The following MCF2L variants were observed in gnomAD, a reference collection of about 807,000 sequenced individuals.
MCF2L encodes guanine nucleotide exchange factor DBS.
Under a neutral mutation model 153.4 loss-of-function variants are expected in MCF2L, and 97 were observed. The observed-to-expected ratio is 0.63, with a 90% CI of 0.54 to 0.75. MCF2L has a LOEUF of 0.75. MCF2L is among the 30% of genes least tolerant of loss of function. The pLI is 0.00. For missense variants in MCF2L, 1,347 were observed against 1,495.2 expected (o/e 0.90, Z 1.64); for synonymous variants, 659 against 632.2 (o/e 1.04, Z -0.64).
At chr13:112,987,572 G>A (rs1003429794) in intron 1 of MCF2L, among the ~76,000 whole-genome samples, 6 of 152,216 alleles carry the variant, frequency 3.9e-5, no homozygotes, top group African/African-American at 9.6e-5. Context: ...GGAGGAGGCC[G>A]GGTGTGAGGT....
chr13:112,971,373 G>A (rs762725298), intron 1 of MCF2L, among the ~76,000 whole-genome samples: 8 of 152,200 alleles, frequency 5.3e-5, no homozygotes, highest in East Asian at 3.9e-4. Context: ...GCTAGGATCC[G>A]TGCCAGGTAA....
chr13:113,034,403 C>T (rs1485932087), intron 3 of MCF2L, among the ~76,000 whole-genome samples: 1 of 152,220 alleles, frequency 6.6e-6, no homozygotes, highest in Admixed American at 6.5e-5. Flanking sequence ...TCCCAAAGTG[C>T]TGGGATTACT....
intron 2 of MCF2L, among the ~76,000 whole-genome samples, chr13:113,023,426 G>A (rs1459735916): frequency 6.6e-6 from 1 of 152,226 alleles, no homozygotes; most frequent in Admixed American, 6.5e-5. Context: ...CCTGCCTGGC[G>A]TGGCTGGGCT....
rs1298122293 is a variant in MCF2L at position 113,090,949 on chromosome 13, G to A, written c.2953+1221G>A. The A allele has an allele frequency of 2.2e-5, 26 of 1,204,262 alleles. 1 individual carries two copies. Among genetic ancestry groups the A allele is most frequent in the Middle Eastern group, 3.6e-4 (1 of 2,802 alleles). The allele number at this position is 1,204,262 out of a possible 1,614,324, so 74.6% of individuals were successfully genotyped here. ...CCTCCCGGCCCCTCCTTCACTGCGCGGCCCCTCGGCTCCCTGTGTTTTGCT... is the reference window on the plus strand; with the variant it reads ...CCTCCCGGCCCCTCCTTCACTGCGCAGCCCCTCGGCTCCCTGTGTTTTGCT... On this transcript the variant is annotated intron_variant, in intron 26 of 29. Coordinates refer to ENST00000535094, the MANE Select transcript of MCF2L (RefSeq NM_001112732.3).
Position 113,064,216 on chromosome 13 carries a change from G to A in MCF2L, c.490-88G>A. On this transcript the variant is annotated intron_variant, in intron 5 of 29. Coordinates refer to ENST00000535094, the MANE Select transcript of MCF2L (RefSeq NM_001112732.3). This position sits in a 1 kb window ranked among gnomAD's most constrained non-coding sequence, Gnocchi z 6.0. ...CATCCAGGCAGACGTGGTCCTCTCT[G>A]TGCTGCTGGGTGTTCTGCTGATGGG... 1.0e-6 allele frequency: 1 copy of A among 972,084 alleles called. No homozygotes were observed. The highest frequency in any genetic ancestry group is 1.6e-6 in the Non-Finnish European group (1 of 606,256). 60.2% of individuals were successfully genotyped at this position (972,084 alleles called of 1,614,324 possible).
chr13:112,991,035 C>T (rs1389529785), intron 1 of MCF2L, among the ~76,000 whole-genome samples: 3 of 152,234 alleles, frequency 2.0e-5, no homozygotes, highest in South Asian at 2.1e-4. Flanking sequence ...TCGGCCTCCG[C>T]CACCTGGCTC....
In MCF2L at chr13:113,094,581, G is replaced by A. The variant is rs771081263; in HGVS notation, c.3021G>A (p.Glu1007=). The part of the protein sequence containing the change: ...EDDGGWSSAE[E]QINSSDAEED... The stretch of plus-strand genomic sequence containing the variant: ...ACGGGGGCTGGTCAAGTGCAGAGGA[G>A]CAGATTAACTCGTCCGACGCAGAGG... The change falls in exon 27 of 30, where the codon GAG becomes GAA. Residue 1007 remains glutamate (E), a synonymous_variant. Coordinates refer to ENST00000535094, the MANE Select transcript of MCF2L (RefSeq NM_001112732.3). 2.5e-6 allele frequency: 4 copies of A among 1,612,648 alleles called. No homozygotes were observed. Among genetic ancestry groups the A allele is most frequent in the South Asian group, 2.2e-5 (2 of 91,060 alleles).
At chr13:113,039,988 A>G (rs1265306340) in intron 3 of MCF2L, among the ~76,000 whole-genome samples, 2 of 152,206 alleles carry the variant, frequency 1.3e-5, no homozygotes, top group East Asian at 1.9e-4. Context: ...AACAACCCAA[A>G]TGTCCATTAA....
intron 3 of MCF2L, chr13:113,026,942 T>A: frequency 1.3e-6 from 1 of 777,078 alleles, no homozygotes; most frequent in Non-Finnish European, 2.4e-6. Flanking sequence ...GGGTCTCTCA[T>A]CTGATGTGCT....
intron 26 of MCF2L, 138 bp downstream of exon 26, chr13:113,089,866 T>G: frequency 1.2e-6 from 2 of 1,612,854 alleles, no homozygotes; most frequent in Non-Finnish European, 1.7e-6. Flanking sequence ...CTTGCTCCCC[T>G]CTTAACAGAG....
At chr13:112,992,238 A>G (rs952105098) in intron 1 of MCF2L, among the ~76,000 whole-genome samples, 2 of 152,258 alleles carry the variant, frequency 1.3e-5, no homozygotes, top group Admixed American at 1.3e-4. Flanking sequence ...CACATAGTCC[A>G]AACTCTGAAA....
chr13:112,997,032 G>A (rs1412788470), intron 1 of MCF2L, among the ~76,000 whole-genome samples: 2 of 152,330 alleles, frequency 1.3e-5, no homozygotes, highest in East Asian at 1.9e-4. Context: ...TGCCAGCCCC[G>A]GGCCGCCCTC....
intron 1 of MCF2L, among the ~76,000 whole-genome samples, chr13:113,007,615 C>T (rs1353152736): frequency 2.6e-5 from 4 of 152,244 alleles, no homozygotes; most frequent in Non-Finnish European, 5.9e-5. Flanking sequence ...CAGTGAAACA[C>T]GCAGTGCGGG....
chr13:113,070,331 A>G lies in MCF2L; in HGVS notation c.996+158A>G. 2.0e-6 allele frequency: 1 copy of G among 498,842 alleles called. No individual in the cohort carries two copies. The allele number at this position is 498,842 out of a possible 1,614,324, so 30.9% of individuals were successfully genotyped here. On this transcript the variant is annotated intron_variant, in intron 9 of 29. Coordinates refer to ENST00000535094, the MANE Select transcript of MCF2L (RefSeq NM_001112732.3). This position sits in a 1 kb window ranked among gnomAD's most constrained non-coding sequence, Gnocchi z 5.6. ...CTTGCCAGGTGGAGCCTGTGAGATT[A>G]AGTCAGGCTGAGCCTTGAAATGCAC... is the stretch of plus-strand genomic sequence containing the variant.
At chr13:113,089,846 T>C in intron 26 of MCF2L, 118 bp downstream of exon 26, 2 of 1,612,446 alleles carry the variant, frequency 1.2e-6, no homozygotes, top group Non-Finnish European at 1.7e-6. Context: ...TTGCAGAGCA[T>C]TCAGGGCCCC....
At chr13:112,966,814 G>A (rs1207925041), upstream of MCF2L, among the ~76,000 whole-genome samples, 1 of 152,226 alleles carries the variant, frequency 6.6e-6, no homozygotes, top group East Asian at 1.9e-4. This position sits in a 1 kb window ranked among gnomAD's most constrained non-coding sequence, Gnocchi z 4.1. Context: ...TTTCAGCAGT[G>A]TTTCTCAAAG....
rs1255743722 is a variant in MCF2L at position 112,906,476 on chromosome 13, A to C, written c.169+4105A>C. Among the ~76,000 whole-genome samples, 4 of 152,324 alleles carry C rather than the reference A, an allele frequency of 2.6e-5. No homozygotes were observed. The East Asian group carries it at 7.7e-4, about 29-fold the overall frequency. ...GGCAGGTGCCCACAGGAACATGCAC[A>C]CACGCATATGTACACACACGCACAC... On this transcript the variant is annotated intron_variant, in intron 2 of 29. Coordinates refer to the MCF2L transcript ENST00000375608.
At position 112,993,467 on chromosome 13, in the gene MCF2L, G is replaced by A. The variant is rs1255661977; in HGVS notation, c.80-21296G>A. Among the ~76,000 whole-genome samples, 7 of 152,210 alleles carry A rather than the reference G, an allele frequency of 4.6e-5. No homozygotes were observed. The South Asian group carries it at 1.5e-3, about 32-fold the overall frequency. On this transcript the variant is annotated intron_variant, in intron 1 of 29. Coordinates refer to ENST00000535094, the MANE Select transcript of MCF2L (RefSeq NM_001112732.3). This position sits in a 1 kb window ranked among gnomAD's most constrained non-coding sequence, Gnocchi z 4.6. ...ATCAGGGAGCAGGTGGCAGTCGGGA[G>A]GGACTGCATGGAAACAAGTGGCTTA...
chr13:112,903,581 G>A (rs116847179), intron 2 of MCF2L, among the ~76,000 whole-genome samples: 411 of 152,212 alleles, frequency 2.7e-3, no homozygotes, highest in Non-Finnish European at 4.0e-3. Flanking sequence ...CTTGCACTTG[G>A]AAACGCAGGC....
Sources: allele counts gnomAD v4.1 joint callset (sites outside exome capture counted in the v4.1 genomes callset), GRCh38; gene constraint gnomAD v4.1.1; non-coding constraint Gnocchi (gnomAD v3.1); transcripts MANE v1.5; gene names NCBI Gene and HGNC (gene_info 2026-07-23, HGNC 2026-07-21).